SLC35F4: variants seen among roughly 807,000 people sequenced by gnomAD.
SLC35F4 encodes the protein chromosome 14 open reading frame 36.
In SLC35F4, 24 loss-of-function variants were observed where a neutral mutation model predicts 44.2. That is an observed-to-expected ratio of 0.54 (90% CI 0.39 to 0.76). The LOEUF (loss-of-function observed/expected upper bound fraction) is 0.76. Ranked by LOEUF, SLC35F4 falls within the 30% of genes least tolerant of loss-of-function variation. The pLI, the probability that SLC35F4 is intolerant of heterozygous loss-of-function variation, is 0.00. For missense variants in SLC35F4, 562 were observed against 586.1 expected (o/e 0.96, Z 0.42); for synonymous variants, 238 against 223.6 (o/e 1.06, Z -0.57).
intron 1 of SLC35F4, among the ~76,000 whole-genome samples, chr14:57,832,449 T>A (rs1427198515): frequency 6.6e-6 from 1 of 152,244 alleles, no homozygotes; most frequent in Non-Finnish European, 1.5e-5. Context: ...ACATGAGGAC[T>A]ATAGTTAAGA....
At chr14:57,829,465 C>T (rs1175398808) in intron 1 of SLC35F4, among the ~76,000 whole-genome samples, 1 of 152,118 alleles carries the variant, frequency 6.6e-6, no homozygotes, top group Non-Finnish European at 1.5e-5. Context: ...CTATTGTTCC[C>T]TCAGTGACAG....
At chr14:57,815,109 G>A (rs1051162015) in intron 1 of SLC35F4, among the ~76,000 whole-genome samples, 25 of 152,232 alleles carry the variant, frequency 1.6e-4, no homozygotes, top group African/African-American at 6.0e-4. Context: ...GGCACCAAAT[G>A]GCCAGCAAAA....
intron 1 of SLC35F4, among the ~76,000 whole-genome samples, chr14:57,901,671 TA>T (rs1889003479): frequency 6.6e-6 from 1 of 152,120 alleles, no homozygotes; most frequent in South Asian, 2.1e-4. Flanking sequence ...CCTCTGAACC[TA>T]AAAGTTGAAG....
At chr14:57,738,964 C>G (rs1206766326) in intron 1 of SLC35F4, among the ~76,000 whole-genome samples, 1 of 151,494 alleles carries the variant, frequency 6.6e-6, no homozygotes, top group Admixed American at 6.6e-5. Context: ...TACAAAGAAA[C>G]AACTTTCACT....
chr14:57,881,014 G>C (rs988202316), intron 1 of SLC35F4, among the ~76,000 whole-genome samples: 1 of 152,070 alleles, frequency 6.6e-6, no homozygotes, highest in African/African-American at 2.4e-5. Context: ...TAGATTCAAA[G>C]CAAAGAAAAT....
chr14:57,621,114 T>C (rs80310885), intron 1 of SLC35F4, among the ~76,000 whole-genome samples: 100,200 of 149,522 alleles, frequency 0.67, 34,333 homozygotes, highest in Non-Finnish European at 0.75. Flanking sequence ...TTACAAGGGA[T>C]GTGAAGGACC....
intron 1 of SLC35F4, among the ~76,000 whole-genome samples, chr14:57,944,638 GAA>G (rs2141075181): frequency 7.7e-6 from 1 of 129,680 alleles, no homozygotes; most frequent in East Asian, 2.2e-4. Flanking sequence ...AAAGAAAAAA[GAA>G]AAGAGGCAGG....
At chr14:57,904,537 G>C (rs12431567) in intron 1 of SLC35F4, among the ~76,000 whole-genome samples, 10,913 of 152,178 alleles carry the variant, frequency 0.072, 525 homozygotes, top group Non-Finnish European at 0.11. Context: ...TCAAATTTCT[G>C]TTAACTTTAT....
intron 1 of SLC35F4, among the ~76,000 whole-genome samples, chr14:57,791,975 G>A (rs2077931150): frequency 6.6e-6 from 1 of 151,404 alleles, no homozygotes; most frequent in Non-Finnish European, 1.5e-5. Context: ...AGGGTGGGGG[G>A]CAAGGGGAGG....
At chr14:57,732,759 C>T (rs1216372120) in intron 1 of SLC35F4, among the ~76,000 whole-genome samples, 3 of 152,082 alleles carry the variant, frequency 2.0e-5, no homozygotes, top group Non-Finnish European at 2.9e-5. Context: ...GAAGGAAGAT[C>T]TATCCACAAA....
At position 57,564,160 on chromosome 14, in the gene SLC35F4, C is replaced by A. The variant is rs774694901; in HGVS notation, c.1433G>T (p.Gly478Val). The stretch of plus-strand genomic sequence containing the variant: ...CTAAGCCAGTGGTATAGACACTGTC[C>A]CATTGGCTCTGCCTCTGCCCCGCAG... The part of the protein sequence containing the change: ...IHLRGRGRAN[G>V]TVSIPLA The change falls in exon 8 of 8, where the codon GGG becomes GTG. Residue 478 changes from glycine (G) to valine (V), a missense_variant. Gly to Val is a moderately radical substitution (Grantham distance 109). Transcript: ENST00000556826. The A allele has an allele frequency of 2.5e-6, 4 of 1,613,624 alleles. No individual in the cohort carries two copies. Among genetic ancestry groups the A allele is most frequent in the Middle Eastern group, 1.7e-4 (1 of 6,054 alleles).
intron 1 of SLC35F4, among the ~76,000 whole-genome samples, chr14:57,732,256 A>T (rs946987965): frequency 6.6e-6 from 1 of 152,196 alleles, no homozygotes; most frequent in African/African-American, 2.4e-5. Flanking sequence ...CTTAGTCTGT[A>T]CTATGCCCAT....
chr14:57,626,438 T>C (rs1369466039), intron 1 of SLC35F4, among the ~76,000 whole-genome samples: 1 of 151,452 alleles, frequency 6.6e-6, no homozygotes, highest in South Asian at 2.1e-4. Flanking sequence ...AACTCGTAAA[T>C]AGGAAGATGT....
chr14:57,973,860 C>T (rs778127381), downstream of SLC35F4, among the ~76,000 whole-genome samples: 1 of 152,028 alleles, frequency 6.6e-6, no homozygotes, highest in Non-Finnish European at 1.5e-5. Context: ...CAGAACATCT[C>T]GAGGTATGTA....
intron 1 of SLC35F4, among the ~76,000 whole-genome samples, chr14:57,726,099 C>G (rs1467824639): frequency 1.3e-5 from 2 of 152,006 alleles, no homozygotes; most frequent in African/African-American, 4.8e-5. Flanking sequence ...GGTGATTGAC[C>G]CAGACTATCA....
intron 1 of SLC35F4, among the ~76,000 whole-genome samples, chr14:57,844,942 C>G (rs200507394): frequency 4.8e-4 from 40 of 83,466 alleles, no homozygotes; most frequent in African/African-American, 4.8e-3. Flanking sequence ...TCTTCCCCCA[C>G]CCCCCCATGC....
In SLC35F4 at chr14:57,937,387, T is replaced by C. The variant is rs370563855; in HGVS notation, n.282+44526A>G. ...CTGGCCTTTACCCACTTTTGAAATG[T>C]AGCTGCCTTGATCTAGTCACAGTAG... is the stretch of plus-strand genomic sequence containing the variant. On this transcript the variant is annotated intron_variant and non_coding_transcript_variant, in intron 1 of 1. Transcript: ENST00000556568. 3.3e-5 allele frequency among the ~76,000 whole-genome samples: 5 copies of C among 152,128 alleles called. No homozygotes were observed. In the East Asian group the frequency reaches 9.7e-4, roughly 29 times the overall value.
At chr14:57,709,520 G>A (rs1594851464) in intron 1 of SLC35F4, among the ~76,000 whole-genome samples, 1 of 151,954 alleles carries the variant, frequency 6.6e-6, no homozygotes, top group Non-Finnish European at 1.5e-5. Context: ...TCTATATCTA[G>A]TATAACTATT....
intron 1 of SLC35F4, among the ~76,000 whole-genome samples, chr14:57,858,075 G>A (rs1887296572): frequency 6.6e-6 from 1 of 152,050 alleles, no homozygotes; most frequent in Admixed American, 6.5e-5. Context: ...CTTTTGCACT[G>A]TTGGTGGGAC....
Sources: allele counts gnomAD v4.1 joint callset (sites outside exome capture counted in the v4.1 genomes callset), GRCh38; gene constraint gnomAD v4.1.1; transcripts MANE v1.5; gene names NCBI Gene and HGNC (gene_info 2026-07-23, HGNC 2026-07-21).